Variants in GALNTL6 observed in about 807,000 individuals in gnomAD.
The protein encoded by GALNTL6 is polypeptide N-acetylgalactosaminyltransferase like 6.
In GALNTL6, 46 loss-of-function variants were observed where a neutral mutation model predicts 73.7. The ratio of observed to expected loss-of-function variants is 0.62; its 90% confidence interval spans 0.49 to 0.80. GALNTL6 has a LOEUF of 0.80. Among genes scored for constraint, GALNTL6 ranks in the 30% least tolerant of loss-of-function variants. GALNTL6 has a pLI of 0.00. For synonymous variants in GALNTL6, 259 were observed against 263.7 expected, an observed-to-expected ratio of 0.98 and a Z score of 0.17; for missense variants, 604 against 755.0, an observed-to-expected ratio of 0.80 and a Z score of 2.34.
intron 2 of GALNTL6, among the ~76,000 whole-genome samples, chr4:172,137,672 G>A (rs959535926): frequency 1.3e-5 from 2 of 152,158 alleles, no homozygotes; most frequent in Non-Finnish European, 2.9e-5. Context: ...GACAGATGAA[G>A]GGTAGGTAAG....
chr4:172,862,943 G>A (rs1392892068), intron 7 of GALNTL6, among the ~76,000 whole-genome samples: 5 of 152,216 alleles, frequency 3.3e-5, no homozygotes, highest in South Asian at 2.1e-4. Flanking sequence ...TAGGGACTTG[G>A]TGCCCTGCAT....
chr4:172,777,725 C>CTTTTTA (rs1166625601), intron 5 of GALNTL6, among the ~76,000 whole-genome samples: 1 of 152,098 alleles, frequency 6.6e-6, no homozygotes, highest in Non-Finnish European at 1.5e-5. Context: ...GTAGAGACTT[C>CTTTTTA]CATAGAAGGA....
chr4:172,979,410 A>G (rs1372427706), intron 10 of GALNTL6, among the ~76,000 whole-genome samples: 1 of 152,262 alleles, frequency 6.6e-6, no homozygotes, highest in Non-Finnish European at 1.5e-5. Flanking sequence ...TGCAAGTTAC[A>G]TAAAATAAGA....
intron 10 of GALNTL6, among the ~76,000 whole-genome samples, chr4:172,996,136 C>T (rs1040261880): frequency 4.0e-5 from 6 of 151,738 alleles, no homozygotes; most frequent in African/African-American, 1.5e-4. Context: ...AAATGTCCAT[C>T]AGTGACAGAT....
rs1297702167 is a variant in GALNTL6 at position 172,068,312 on chromosome 4, C to T, written c.139-161344C>T. ...TTAATATACTATAGTAGCTTCCCTGCTTTATGTGTTCCAAACATACTCTAT... is the reference window on the plus strand; with the variant it reads ...TTAATATACTATAGTAGCTTCCCTGTTTTATGTGTTCCAAACATACTCTAT... On this transcript the variant is annotated intron_variant, in intron 2 of 12. Coordinates refer to ENST00000506823, the MANE Select transcript of GALNTL6 (RefSeq NM_001034845.3). 1.8e-5 allele frequency among the ~76,000 whole-genome samples: 2 copies of T among 109,880 alleles called. 1 individual carries two copies. The highest frequency in any genetic ancestry group is 4.2e-4 in the East Asian group (2 of 4,732). The allele number at this position is 109,880 out of a possible 152,430, so 72.1% of individuals were successfully genotyped here.
chr4:173,019,259 T>C (rs923803367), intron 11 of GALNTL6, among the ~76,000 whole-genome samples: 3 of 152,126 alleles, frequency 2.0e-5, no homozygotes, highest in African/African-American at 7.2e-5. Flanking sequence ...GAGATGTCCA[T>C]GGGACATGCA....
At chr4:173,039,078 T>C (rs1190274721) in intron 12 of GALNTL6, among the ~76,000 whole-genome samples, 1 of 152,262 alleles carries the variant, frequency 6.6e-6, no homozygotes, top group African/African-American at 2.4e-5. Flanking sequence ...GGGTGTGTGT[T>C]AACAGAGCTT....
chr4:173,017,837 AACAG>A (rs1441582930), intron 11 of GALNTL6, among the ~76,000 whole-genome samples: 2 of 152,250 alleles, frequency 1.3e-5, no homozygotes, highest in African/African-American at 4.8e-5. Flanking sequence ...AAAGTTGCCC[AACAG>A]ACAGATTTGC....
At chr4:172,768,506 CAAGAA>C (rs1351015088) in intron 5 of GALNTL6, among the ~76,000 whole-genome samples, 1 of 152,128 alleles carries the variant, frequency 6.6e-6, no homozygotes, top group Non-Finnish European at 1.5e-5. Context: ...AGTACACACT[CAAGAA>C]AGAGGAGTGT....
At chr4:171,868,816 G>A (rs1366577908) in intron 2 of GALNTL6, among the ~76,000 whole-genome samples, 1 of 152,106 alleles carries the variant, frequency 6.6e-6, no homozygotes, top group East Asian at 1.9e-4. Context: ...TGAGTAGCCA[G>A]GATTACAGGC....
At position 172,424,922 on chromosome 4, in the gene GALNTL6, A is replaced by T. The variant is rs574567284; in HGVS notation, c.553+76233A>T. 1.6e-4 allele frequency among the ~76,000 whole-genome samples: 23 copies of T among 144,144 alleles called. No homozygotes were observed. In the East Asian group the frequency reaches 4.5e-3, roughly 28 times the overall value. 94.6% of individuals were successfully genotyped at this position (144,144 alleles called of 152,430 possible). On this transcript the variant is annotated intron_variant, in intron 5 of 12. Coordinates refer to ENST00000506823, the MANE Select transcript of GALNTL6 (RefSeq NM_001034845.3). ...TCATAGAAAACTATGCAAGTTTGTC[A>T]TCTCAAAGCCAGATGTAGGGAATTC... is the stretch of plus-strand genomic sequence containing the variant.
chr4:172,739,008 T>A (rs538660536), intron 5 of GALNTL6, among the ~76,000 whole-genome samples: 125 of 152,262 alleles, frequency 8.2e-4, no homozygotes, highest in African/African-American at 2.9e-3. Flanking sequence ...TCAGGGAGAA[T>A]AAATTGTAAA....
chr4:172,666,969 G>T (rs553516668), intron 5 of GALNTL6: 1 of 152,324 alleles, frequency 6.6e-6, no homozygotes, highest in South Asian at 2.1e-4. Context: ...AGAAAAGCAG[G>T]CAACTGGTGG....
intron 8 of GALNTL6, among the ~76,000 whole-genome samples, chr4:172,912,795 A>G (rs939060351): frequency 1.3e-5 from 2 of 152,212 alleles, no homozygotes; most frequent in Admixed American, 6.5e-5. Context: ...GGGGCAGGGC[A>G]TAGCTGAACA....
intron 2 of GALNTL6, among the ~76,000 whole-genome samples, chr4:172,152,037 T>A (rs1734105579): frequency 1.3e-5 from 2 of 151,930 alleles, no homozygotes; most frequent in South Asian, 4.2e-4. Flanking sequence ...AGTGCAGTGG[T>A]GAAATCTCAG....
chr4:173,028,937 A>C (rs1753342060), intron 12 of GALNTL6, among the ~76,000 whole-genome samples: 1 of 152,228 alleles, frequency 6.6e-6, no homozygotes, highest in Non-Finnish European at 1.5e-5. Flanking sequence ...TTCATTTAAA[A>C]AGTGAGTGGG....
intron 5 of GALNTL6, among the ~76,000 whole-genome samples, chr4:172,655,260 T>C (rs1280400270): frequency 6.6e-6 from 1 of 152,220 alleles, no homozygotes; most frequent in African/African-American, 2.4e-5. Context: ...ATGGTTGTTG[T>C]TGTGTGTGTG....
intron 12 of GALNTL6, among the ~76,000 whole-genome samples, chr4:173,022,009 G>A (rs1753009770): frequency 7.6e-6 from 1 of 131,630 alleles, no homozygotes. Flanking sequence ...GAAAGAGAGA[G>A]AGAGAAAAGG....
intron 2 of GALNTL6, among the ~76,000 whole-genome samples, chr4:171,846,043 T>A (rs924200930): frequency 6.6e-5 from 10 of 152,210 alleles, no homozygotes; most frequent in African/African-American, 2.2e-4. Flanking sequence ...CAGGGATAGA[T>A]AACTGTCATA....
Sources: gnomAD v4.1 joint callset for allele counts (sites outside exome capture counted in the v4.1 genomes callset) on GRCh38, gnomAD v4.1.1 for gene constraint, MANE v1.5 for transcripts, NCBI Gene and HGNC (gene_info 2026-07-23, HGNC 2026-07-21) for gene names.